TASP1: variants seen among roughly 807,000 people sequenced by gnomAD.
TASP1 encodes the protein threonine aspartase 1.
TASP1 carries 16 observed loss-of-function variants against 56.6 expected under a neutral mutation model. The observed-to-expected ratio is 0.28, with a 90% confidence interval of 0.19 to 0.43. TASP1 has a LOEUF of 0.43. TASP1 is among the 20% of genes least tolerant of loss of function. The probability of loss-of-function intolerance (pLI) is 1.00; values close to 1 mark genes in which losing one functional copy is unlikely to be tolerated. For synonymous variants in TASP1, 179 were observed against 184.2 expected, an observed-to-expected ratio of 0.97 and a Z score of 0.23; for missense variants, 393 against 511.6, an observed-to-expected ratio of 0.77 and a Z score of 2.24.
chr20:13,579,420 G>A (rs1055179639), intron 6 of TASP1, among the ~76,000 whole-genome samples: 22 of 151,884 alleles, frequency 1.4e-4, no homozygotes, highest in Admixed American at 8.5e-4. Flanking sequence ...CCAGGCTAGA[G>A]TGAAGTGGCG....
chr20:13,248,777 T>C, the TASP1 span, among the ~76,000 whole-genome samples: 1 of 152,240 alleles, frequency 6.6e-6, no homozygotes, highest in Non-Finnish European at 1.5e-5. Context: ...TTCCCTGTTC[T>C]GCATGACCTG....
At chr20:13,178,852 G>A in the TASP1 span, among the ~76,000 whole-genome samples, 357 of 152,184 alleles carry the variant, frequency 2.3e-3, 2 homozygotes, top group African/African-American at 8.2e-3. Context: ...ATAGGTTCTA[G>A]TGTTCTATAC....
chr20:13,513,766 C>T (rs1371717700), intron 10 of TASP1, among the ~76,000 whole-genome samples: 1 of 152,006 alleles, frequency 6.6e-6, no homozygotes. Flanking sequence ...GTTTAACTTG[C>T]AAAGGTGGTT....
the TASP1 span, among the ~76,000 whole-genome samples, chr20:13,315,123 CAAAA>C: frequency 1.7e-5 from 2 of 117,360 alleles, no homozygotes; most frequent in African/African-American, 5.8e-5. Context: ...GAATGGAAGA[CAAAA>C]ACAGCAAAAA....
chr20:13,267,320 G>A, the TASP1 span, among the ~76,000 whole-genome samples: 3 of 152,320 alleles, frequency 2.0e-5, no homozygotes, highest in East Asian at 5.8e-4. Context: ...GGGCAGGGCG[G>A]TTCGGAGAGA....
At chr20:13,165,262 T>A in the TASP1 span, 3 of 167,650 alleles carry the variant, frequency 1.8e-5, no homozygotes, top group African/African-American at 7.2e-5. Flanking sequence ...TTATTCCATC[T>A]GCAGATGTAA....
rs866774789 is a variant in TASP1, at chr20:13,588,310, A to G, written c.283-940T>C. Among the ~76,000 whole-genome samples the G allele has an allele frequency of 2.5e-3, 256 of 101,784 alleles. 1 individual carries two copies. Among genetic ancestry groups the G allele is most frequent in the Middle Eastern group, 5.6e-3 (1 of 178 alleles). The allele number at this position is 101,784 out of a possible 152,430, so 66.8% of individuals were successfully genotyped here. A position where few individuals can be genotyped will look rare whatever the true frequency, so the allele number is the denominator to read the frequency against. On this transcript the variant is annotated intron_variant, in intron 4 of 13. Transcript: ENST00000337743. ...GGAAGGAAGGAAGGAAGGAAGGAAG[A>G]GAAAGAAAAGGAAGGAAGGAAGGAA...
intron 13 of TASP1, chr20:13,393,493 T>C (rs1203820436): frequency 7.7e-6 from 6 of 780,136 alleles, no homozygotes; most frequent in Non-Finnish European, 1.4e-5. Context: ...AAGGGCATCC[T>C]GGACTACACT....
the TASP1 span, among the ~76,000 whole-genome samples, chr20:13,180,797 T>C: frequency 6.6e-6 from 1 of 152,132 alleles, no homozygotes; most frequent in East Asian, 1.9e-4. Context: ...CAGGAGATAA[T>C]AGGGAAGGAA....
At chr20:13,117,602 C>T in the TASP1 span, 14 of 1,593,608 alleles carry the variant, frequency 8.8e-6, no homozygotes, top group African/African-American at 1.4e-5. Flanking sequence ...GTATTGGGGC[C>T]GTGGGCCCAA....
chr20:13,527,115 T>C (rs1251857610), intron 10 of TASP1, among the ~76,000 whole-genome samples: 1 of 152,030 alleles, frequency 6.6e-6, no homozygotes, highest in Non-Finnish European at 1.5e-5. Context: ...CCTGGGGCTG[T>C]GGGCAATGGG....
At chr20:13,126,862 G>T in the TASP1 span, 1 of 1,163,702 alleles carries the variant, frequency 8.6e-7, no homozygotes, top group Non-Finnish European at 1.2e-6. Context: ...CAAAACTGCC[G>T]TTAGCACACC....
chr20:13,285,214 C>A, the TASP1 span, among the ~76,000 whole-genome samples: 1 of 152,056 alleles, frequency 6.6e-6, no homozygotes, highest in African/African-American at 2.4e-5. Context: ...TTGCTTGAGC[C>A]CAGGAATTCA....
chr20:13,462,813 T>C (rs147995656), intron 11 of TASP1, among the ~76,000 whole-genome samples: 1 of 152,084 alleles, frequency 6.6e-6, no homozygotes, highest in Non-Finnish European at 1.5e-5. Context: ...TAAATAAACT[T>C]AACCAAAAAG....
the TASP1 span, chr20:13,154,020 CA>C: frequency 1.2e-6 from 2 of 1,613,958 alleles, no homozygotes; most frequent in South Asian, 2.2e-5. Flanking sequence ...GAGAGTACAG[CA>C]ACTTGCGAAA....
At chr20:13,195,208 A>C in the TASP1 span, among the ~76,000 whole-genome samples, 3 of 152,218 alleles carry the variant, frequency 2.0e-5, no homozygotes, top group Non-Finnish European at 4.4e-5. Context: ...ATACTTTGTA[A>C]ACTAAAATTT....
intron 12 of TASP1, among the ~76,000 whole-genome samples, chr20:13,420,029 C>T: frequency 6.6e-6 from 1 of 152,272 alleles, no homozygotes; most frequent in African/African-American, 2.4e-5. Flanking sequence ...AGTGACAATA[C>T]ATTTTATTCA....
intron 2 of TASP1, among the ~76,000 whole-genome samples, chr20:13,629,364 CAAAAAAAAAAAA>C (rs1218111399): frequency 2.7e-4 from 14 of 52,022 alleles, no homozygotes; most frequent in African/African-American, 8.5e-4. Context: ...AACTCCATCT[CAAAAAAAAAAAA>C]AAAAAAGAAG....
intron 13 of TASP1, among the ~76,000 whole-genome samples, chr20:13,407,753 A>G (rs995876801): frequency 1.3e-5 from 2 of 152,098 alleles, no homozygotes; most frequent in Non-Finnish European, 2.9e-5. Context: ...AATATTCACA[A>G]TTTTTATCAT....
Sources: allele counts gnomAD v4.1 joint callset (sites outside exome capture counted in the v4.1 genomes callset), GRCh38; gene constraint gnomAD v4.1.1; transcripts MANE v1.5; gene names NCBI Gene and HGNC (gene_info 2026-07-23, HGNC 2026-07-21).